Variants in ENOX1 observed in about 807,000 individuals in gnomAD.
ENOX1 encodes the protein candidate growth-related and time keeping constitutive hydroquinone (NADH) oxidase.
In ENOX1, 42 loss-of-function variants were observed where a neutral mutation model predicts 82.5. The ratio of observed to expected loss-of-function variants is 0.51; its 90% CI spans 0.40 to 0.66. ENOX1 has a LOEUF of 0.66. Ranked by LOEUF, ENOX1 falls within the 30% of genes least tolerant of loss-of-function variation. The pLI is 0.00. For synonymous variants in ENOX1, 271 were observed against 282.2 expected (o/e 0.96, Z 0.40); for missense variants, 608 against 811.6 (o/e 0.75, Z 3.05).
intron 3 of ENOX1, among the ~76,000 whole-genome samples, chr13:43,462,002 T>C (rs1051783951): frequency 1.3e-5 from 2 of 152,148 alleles, no homozygotes; most frequent in Non-Finnish European, 2.9e-5. Context: ...AGCCACTGAA[T>C]AGCAATAGCC....
chr13:43,637,520 T>A (rs1434723426), intron 2 of ENOX1, among the ~76,000 whole-genome samples: 1 of 140,098 alleles, frequency 7.1e-6, no homozygotes, highest in Non-Finnish European at 1.7e-5. Flanking sequence ...CTCATAAACA[T>A]CCAGGGGAGG....
At chr13:43,648,407 C>T (rs947641733) in intron 2 of ENOX1, among the ~76,000 whole-genome samples, 4 of 151,946 alleles carry the variant, frequency 2.6e-5, no homozygotes, top group African/African-American at 9.7e-5. Context: ...ATTAAGCAGC[C>T]AATTAATAAA....
At chr13:43,541,173 G>GTTCTTTTTTTTTTTTTTTT (rs2078696705) in intron 2 of ENOX1, among the ~76,000 whole-genome samples, 2 of 64,574 alleles carry the variant, frequency 3.1e-5, no homozygotes, top group African/African-American at 5.0e-5. Context: ...TCTTCCCTCT[G>GTTCTTTTTTTTTTTTTTTT]TTTTTTTTTT....
chr13:43,466,732 C>T (rs2057742588), intron 3 of ENOX1, among the ~76,000 whole-genome samples: 1 of 152,136 alleles, frequency 6.6e-6, no homozygotes, highest in Non-Finnish European at 1.5e-5. Context: ...GACCATTCTT[C>T]TTATCTAATT....
chr13:43,603,363 C>A, intron 2 of ENOX1, among the ~76,000 whole-genome samples: 1 of 125,880 alleles, frequency 7.9e-6, no homozygotes, highest in East Asian at 3.4e-4. Context: ...CTTTTTTTTC[C>A]TTTTATTTAT....
At chr13:43,534,037 A>C (rs1433489631) in intron 2 of ENOX1, among the ~76,000 whole-genome samples, 1 of 152,150 alleles carries the variant, frequency 6.6e-6, no homozygotes, top group African/African-American at 2.4e-5. Flanking sequence ...GTGATTTTCA[A>C]GTGCAAAAGT....
chr13:43,703,181 A>G (rs1050588163), intron 1 of ENOX1, among the ~76,000 whole-genome samples: 6 of 152,142 alleles, frequency 3.9e-5, no homozygotes, highest in Non-Finnish European at 8.8e-5. Context: ...TACCAGGCAC[A>G]GACTAAGATA....
At chr13:43,424,272 CA>C (rs2055156434) in intron 3 of ENOX1, among the ~76,000 whole-genome samples, 1 of 152,162 alleles carries the variant, frequency 6.6e-6, no homozygotes. Flanking sequence ...GTTTTGTGCT[CA>C]GCTTTTTCAT....
At chr13:43,532,391 C>A (rs534807659) in intron 2 of ENOX1, among the ~76,000 whole-genome samples, 1 of 151,994 alleles carries the variant, frequency 6.6e-6, no homozygotes, top group Non-Finnish European at 1.5e-5. Flanking sequence ...TCCACAGAAC[C>A]CTAGATGTCC....
At chr13:43,768,408 C>G (rs1020108525) in intron 1 of ENOX1, among the ~76,000 whole-genome samples, 8 of 152,076 alleles carry the variant, frequency 5.3e-5, no homozygotes, top group Non-Finnish European at 1.0e-4. Flanking sequence ...TTAAGACCAG[C>G]CTGGGCAACA....
At chr13:43,753,331 T>C (rs1400322080) in intron 1 of ENOX1, among the ~76,000 whole-genome samples, 2 of 152,230 alleles carry the variant, frequency 1.3e-5, no homozygotes, top group Non-Finnish European at 2.9e-5. Flanking sequence ...TTTAGGTCTT[T>C]TAAAATTTCT....
chr13:43,236,806 C>A, intron 14 of ENOX1, 68 bp from the exon 15 acceptor site: 2 of 796,976 alleles, frequency 2.5e-6, no homozygotes, highest in Non-Finnish European at 3.8e-6. Flanking sequence ...ATAAAAAACA[C>A]CAGATCTCTT....
At chr13:43,778,745 A>G (rs1952070324) in intron 1 of ENOX1, among the ~76,000 whole-genome samples, 1 of 148,770 alleles carries the variant, frequency 6.7e-6, no homozygotes. Flanking sequence ...TCAGACATGT[A>G]CTACTTGACT....
chr13:43,500,298 AAATT>A (rs1410445621), intron 2 of ENOX1, among the ~76,000 whole-genome samples: 4 of 152,186 alleles, frequency 2.6e-5, no homozygotes, highest in Non-Finnish European at 5.9e-5. Context: ...AATTACTATT[AAATT>A]GTCAAAAGTC....
intron 5 of ENOX1, among the ~76,000 whole-genome samples, chr13:43,373,131 T>A (rs528667093): frequency 6.6e-6 from 1 of 151,950 alleles, no homozygotes. Flanking sequence ...TATATTAGAG[T>A]GTACATGTGC....
At chr13:43,609,186 G>T (rs1248245664) in intron 2 of ENOX1, among the ~76,000 whole-genome samples, 5 of 152,030 alleles carry the variant, frequency 3.3e-5, no homozygotes, top group Admixed American at 3.3e-4. Context: ...ACTTCTTTAT[G>T]GTTAGCAAAC....
chr13:43,343,796 A>G (rs1005431439), intron 9 of ENOX1, among the ~76,000 whole-genome samples: 1 of 152,156 alleles, frequency 6.6e-6, no homozygotes, highest in Non-Finnish European at 1.5e-5. Flanking sequence ...GCAAGAGAAC[A>G]TCGGCAGCTG....
At chr13:43,708,892 T>C (rs573753724) in intron 1 of ENOX1, among the ~76,000 whole-genome samples, 108 of 152,258 alleles carry the variant, frequency 7.1e-4, no homozygotes, top group South Asian at 3.3e-3. Flanking sequence ...AATTCTGCTC[T>C]TCAAAGGACA....
At chr13:43,476,514 T>G (rs1345282974) in intron 3 of ENOX1, among the ~76,000 whole-genome samples, 3 of 152,218 alleles carry the variant, frequency 2.0e-5, no homozygotes, top group East Asian at 3.9e-4. Context: ...AATGTGCAAA[T>G]GTACTTCAAA....
Sources: allele counts gnomAD v4.1 joint callset (sites outside exome capture counted in the v4.1 genomes callset), GRCh38; gene constraint gnomAD v4.1.1; transcripts MANE v1.5; gene names NCBI Gene and HGNC (gene_info 2026-07-23, HGNC 2026-07-21).